The following GRM8 variants were observed in gnomAD, a reference collection of about 807,000 sequenced individuals.
GRM8 encodes metabotropic glutamate receptor 8.
A neutral mutation model predicts 87.2 loss-of-function variants in GRM8; 47 were observed. That is an observed-to-expected ratio of 0.54 (90% CI 0.43 to 0.69). The LOEUF (loss-of-function observed/expected upper bound fraction) is 0.69. Among genes scored for constraint, GRM8 ranks in the 30% least tolerant of loss-of-function variants. GRM8 has a pLI of 0.00. For missense variants in GRM8, 1,019 were observed against 1,139.2 expected, an observed-to-expected ratio of 0.89 and a Z score of 1.52; for synonymous variants, 396 against 404.5, an observed-to-expected ratio of 0.98 and a Z score of 0.25.
intron 6 of GRM8, among the ~76,000 whole-genome samples, chr7:126,841,912 G>A (rs1452617910): frequency 6.6e-6 from 1 of 152,046 alleles, no homozygotes; most frequent in East Asian, 1.9e-4. Flanking sequence ...GATTACAGGC[G>A]TGAGCCACCG....
intron 6 of GRM8, among the ~76,000 whole-genome samples, chr7:126,878,837 G>C (rs1046296994): frequency 3.3e-5 from 5 of 151,404 alleles, no homozygotes; most frequent in African/African-American, 1.2e-4. Context: ...TTGAGATACT[G>C]TCTTCTAAAA....
At chr7:126,487,804 T>C (rs994257348) in intron 9 of GRM8, among the ~76,000 whole-genome samples, 49 of 152,058 alleles carry the variant, frequency 3.2e-4, no homozygotes, top group African/African-American at 1.2e-3. Context: ...GGTGATGGAA[T>C]ACATTTTCCA....
intron 9 of GRM8, among the ~76,000 whole-genome samples, chr7:126,469,447 T>G (rs1030571660): frequency 8.5e-5 from 13 of 152,112 alleles, no homozygotes; most frequent in Admixed American, 1.3e-4. Flanking sequence ...TTTGGCTATG[T>G]CCCCACCCAA....
At chr7:127,057,229 C>A (rs148617072) in intron 3 of GRM8, among the ~76,000 whole-genome samples, 13 of 152,226 alleles carry the variant, frequency 8.5e-5, no homozygotes, top group African/African-American at 2.9e-4. Flanking sequence ...CATTTCTAAA[C>A]ATGTAAATCT....
At chr7:126,697,706 T>G (rs965945401) in intron 7 of GRM8, among the ~76,000 whole-genome samples, 3 of 152,188 alleles carry the variant, frequency 2.0e-5, no homozygotes, top group African/African-American at 7.2e-5. Context: ...CTTATCTGCC[T>G]GTAATCCCTT....
chr7:126,889,649 G>A (rs1800816398), intron 6 of GRM8, among the ~76,000 whole-genome samples: 1 of 152,152 alleles, frequency 6.6e-6, no homozygotes, highest in East Asian at 1.9e-4. Flanking sequence ...AAATGTTGTT[G>A]AAAAGCTGTA....
At chr7:126,457,941 G>A (rs1803440605) in intron 9 of GRM8, among the ~76,000 whole-genome samples, 1 of 150,434 alleles carries the variant, frequency 6.6e-6, no homozygotes. Context: ...CAATAATTTG[G>A]TAATTATTCC....
intron 3 of GRM8, among the ~76,000 whole-genome samples, chr7:127,054,078 T>C (rs1819748351): frequency 1.3e-5 from 2 of 152,294 alleles, no homozygotes; most frequent in Middle Eastern, 3.4e-3. Context: ...ATAATATTAA[T>C]ACCCAAAAGA....
At chr7:126,602,590 G>T (rs937158385) in intron 8 of GRM8, among the ~76,000 whole-genome samples, 2 of 140,034 alleles carry the variant, frequency 1.4e-5, no homozygotes, top group African/African-American at 5.1e-5. Flanking sequence ...CCATTTGTTT[G>T]TATCCTCTTT....
At chr7:126,496,551 C>T (rs182300221) in intron 9 of GRM8, among the ~76,000 whole-genome samples, 21 of 151,874 alleles carry the variant, frequency 1.4e-4, no homozygotes, top group Admixed American at 1.2e-3. Context: ...CACTTAGATG[C>T]TAACAGACTT....
At chr7:126,573,519 GA>G in intron 8 of GRM8, among the ~76,000 whole-genome samples, 1 of 152,158 alleles carries the variant, frequency 6.6e-6, no homozygotes, top group Middle Eastern at 3.4e-3. Context: ...AAGCTTTGGG[GA>G]GGGAAGAGGG....
intron 9 of GRM8, among the ~76,000 whole-genome samples, chr7:126,446,657 T>A (rs1802056295): frequency 6.6e-6 from 1 of 151,922 alleles, no homozygotes; most frequent in African/African-American, 2.4e-5. Flanking sequence ...TAAACATACA[T>A]AAGGAAGGGG....
intron 1 of GRM8, chr7:127,251,255 T>C (rs1350355825): frequency 6.6e-6 from 1 of 152,084 alleles, no homozygotes; most frequent in Non-Finnish European, 1.5e-5. Flanking sequence ...ACCGCGGGGG[T>C]GCGGTTTTGC....
intron 8 of GRM8, among the ~76,000 whole-genome samples, chr7:126,591,348 A>G (rs62477874): frequency 0.013 from 2,038 of 152,172 alleles, 14 homozygotes; most frequent in Non-Finnish European, 0.023. Context: ...ATATATATAC[A>G]CCTAACACTG....
In GRM8 at chr7:126,439,085, AC is replaced by A; in HGVS notation, c.*33del. ...TCATGTTCATCATTTAAGATCATAT[AC>A]CACATCTCTTCAGATTGTGCCATTT... is the stretch of plus-strand genomic sequence containing the variant. On this transcript the variant is annotated 3_prime_UTR_variant, in exon 11 of 11. Transcript: ENST00000339582. 2 of 1,303,290 alleles carry A rather than the reference AC, an allele frequency of 1.5e-6. No individual in the cohort carries two copies. Among genetic ancestry groups the A allele is most frequent in the Non-Finnish European group, 2.2e-6 (2 of 896,748 alleles). 80.7% of individuals were successfully genotyped at this position (1,303,290 alleles called of 1,614,324 possible).
At chr7:126,587,960 C>T (rs1405941595) in intron 8 of GRM8, among the ~76,000 whole-genome samples, 1 of 151,028 alleles carries the variant, frequency 6.6e-6, no homozygotes, top group African/African-American at 2.4e-5. Context: ...AAAGTATGTT[C>T]TTAGTAGGGG....
intron 2 of GRM8, among the ~76,000 whole-genome samples, chr7:127,110,737 C>T (rs1826272103): frequency 6.6e-6 from 1 of 152,166 alleles, no homozygotes; most frequent in Non-Finnish European, 1.5e-5. Flanking sequence ...TACCTCCCAA[C>T]TCCATTCTCT....
intron 8 of GRM8, among the ~76,000 whole-genome samples, chr7:126,547,021 T>C (rs1585016649): frequency 2.0e-5 from 3 of 152,298 alleles, no homozygotes; most frequent in Middle Eastern, 3.4e-3. Flanking sequence ...ACCTAGGTCA[T>C]GGAATACTAT....
intron 7 of GRM8, among the ~76,000 whole-genome samples, chr7:126,752,599 T>A (rs1585785768): frequency 6.6e-6 from 1 of 152,182 alleles, no homozygotes; most frequent in East Asian, 1.9e-4. Context: ...TACAAAGTGT[T>A]TACTAGATGA....
Sources: allele counts gnomAD v4.1 joint callset (sites outside exome capture counted in the v4.1 genomes callset), GRCh38; gene constraint gnomAD v4.1.1; transcripts MANE v1.5; gene names NCBI Gene and HGNC (gene_info 2026-07-23, HGNC 2026-07-21).